The following NEDD4 variants were observed in gnomAD, a reference collection of about 807,000 sequenced individuals.
The protein encoded by NEDD4 is E3 ubiquitin-protein ligase NEDD4.
NEDD4 carries 99 observed loss-of-function variants against 144.9 expected under a neutral mutation model. That is an observed-to-expected ratio of 0.68 (90% CI 0.58 to 0.81). NEDD4 has a LOEUF of 0.81. Among genes scored for constraint, NEDD4 ranks in the 30% least tolerant of loss-of-function variants. The pLI, the probability that NEDD4 is intolerant of heterozygous loss-of-function variation, is 0.00. For missense variants in NEDD4, 985 were observed against 1,065.9 expected (o/e 0.92, Z 1.06); for synonymous variants, 318 against 350.6 (o/e 0.91, Z 1.04).
intron 4 of NEDD4, among the ~76,000 whole-genome samples, chr15:55,932,822 AG>A (rs1305054423): frequency 1.3e-5 from 2 of 152,214 alleles, no homozygotes; most frequent in Admixed American, 1.3e-4. Context: ...CAAATTTACA[AG>A]AAAAAAAAAT....
At chr15:55,924,264 G>C (rs1229516371) in intron 5 of NEDD4, 1 of 176,576 alleles carries the variant, frequency 5.7e-6, no homozygotes, top group African/African-American at 2.4e-5. Flanking sequence ...CCTAAGAAAG[G>C]CCACTGTAGT....
chr15:55,917,674 A>G (rs78649755), intron 5 of NEDD4, among the ~76,000 whole-genome samples: 11,816 of 152,172 alleles, frequency 0.078, 565 homozygotes, highest in Middle Eastern at 0.16. Flanking sequence ...TTCAAGAAAA[A>G]AAGTTTAAGA....
chr15:55,936,128 A>G (rs1371018895), intron 4 of NEDD4, among the ~76,000 whole-genome samples: 1 of 152,174 alleles, frequency 6.6e-6, no homozygotes, highest in Non-Finnish European at 1.5e-5. Context: ...TAAATGATAC[A>G]CTTTGTCAGA....
At chr15:55,888,181 G>A (rs1209786425) in intron 5 of NEDD4, among the ~76,000 whole-genome samples, 4 of 152,082 alleles carry the variant, frequency 2.6e-5, no homozygotes, top group Non-Finnish European at 5.9e-5. Flanking sequence ...AATTGGAAAG[G>A]AAGAAGTCAC....
rs550272633 is a variant in NEDD4 at position 55,892,166 on chromosome 15, A to G, written c.292-18158T>C. Reference sequence around the variant, plus strand: ...CTAGAATCCCAGCTACTCGTGAGGCAGAGGCATGAGAATCACTTGAACCTG... The same window carrying G: ...CTAGAATCCCAGCTACTCGTGAGGCGGAGGCATGAGAATCACTTGAACCTG... On this transcript the variant is annotated intron_variant, in intron 5 of 28. Coordinates refer to ENST00000435532, the MANE Select transcript of NEDD4 (RefSeq NM_006154.4). Among the ~76,000 whole-genome samples the G allele has an allele frequency of 3.0e-3, 450 of 151,920 alleles. 2 individuals carry two copies. Among genetic ancestry groups the G allele is most frequent in the Non-Finnish European group, 4.0e-3 (275 of 67,938 alleles).
chr15:55,950,503 C>G (rs898213382), intron 4 of NEDD4, among the ~76,000 whole-genome samples: 1 of 152,090 alleles, frequency 6.6e-6, no homozygotes, highest in African/African-American at 2.4e-5. Context: ...TCCAGAGAGG[C>G]TGGTGTTTCA....
chr15:55,923,370 G>A (rs1044955069), intron 5 of NEDD4, among the ~76,000 whole-genome samples: 1 of 152,062 alleles, frequency 6.6e-6, no homozygotes, highest in Non-Finnish European at 1.5e-5. Context: ...TGGCCAGGCT[G>A]GGCATGGCAG....
At chr15:55,918,356 G>C (rs2036503903) in intron 5 of NEDD4, among the ~76,000 whole-genome samples, 1 of 151,944 alleles carries the variant, frequency 6.6e-6, no homozygotes, top group South Asian at 2.1e-4. Context: ...CTATTTGAAA[G>C]AAACAAATTT....
At position 55,860,745 on chromosome 15, in the gene NEDD4, A is replaced by G. The variant is rs777136746; in HGVS notation, c.708T>C (p.Ile236=). 8 of 1,614,026 alleles carry G rather than the reference A, an allele frequency of 5.0e-6. No individual in the cohort carries two copies. Residue 236 remains isoleucine, a synonymous_variant, in exon 10 of 29, where the codon ATT becomes ATC. Transcript: ENST00000435532. Reference sequence around the variant, plus strand: ...TAAATGCACGTTGTGCTTGCAGTTGAATGTTGCCATTCTCAGCATCTGTTA... The same window carrying G: ...TAAATGCACGTTGTGCTTGCAGTTGGATGTTGCCATTCTCAGCATCTGTTA... ...DNLTDAENGN[I]QLQAQRAFTT...
chr15:55,832,884 A>G (rs113452502), intron 27 of NEDD4, 124 bp downstream of exon 27: 2 of 656,602 alleles, frequency 3.0e-6, no homozygotes, highest in South Asian at 2.2e-5. Flanking sequence ...TCACTTTCAA[A>G]ATCTTAATTC....
intron 1 of NEDD4, among the ~76,000 whole-genome samples, chr15:55,966,795 G>A (rs187339274): frequency 3.4e-4 from 52 of 152,214 alleles, no homozygotes; most frequent in Middle Eastern, 3.4e-3. Context: ...TTATCGCTGC[G>A]CTCAAGAAAA....
intron 1 of NEDD4, among the ~76,000 whole-genome samples, chr15:55,978,584 A>G (rs866902531): frequency 6.6e-5 from 10 of 152,352 alleles, no homozygotes; most frequent in Middle Eastern, 6.8e-3. Context: ...GTGCTTAAAT[A>G]AATAAAAAAG....
intron 1 of NEDD4, among the ~76,000 whole-genome samples, chr15:55,968,558 A>T (rs1258827956): frequency 2.0e-5 from 3 of 152,162 alleles, no homozygotes; most frequent in Admixed American, 6.5e-5. Flanking sequence ...TATGTGAATA[A>T]CTCCTAAAAA....
At chr15:55,930,875 G>A (rs544708310) in intron 4 of NEDD4, among the ~76,000 whole-genome samples, 1 of 152,294 alleles carries the variant, frequency 6.6e-6, no homozygotes, top group South Asian at 2.1e-4. Context: ...CCAGCCATGT[G>A]GAACTGTGAG....
chr15:55,857,662 G>T (rs2034250356), intron 11 of NEDD4, among the ~76,000 whole-genome samples: 1 of 152,096 alleles, frequency 6.6e-6, no homozygotes, highest in Admixed American at 6.6e-5. Flanking sequence ...ATCTCAATTT[G>T]TAACCATAAC....
At chr15:55,852,743 TGAGAGAGA>T (rs150677409) in intron 12 of NEDD4, among the ~76,000 whole-genome samples, 200 bp from the exon 13 acceptor site, 1 of 139,498 alleles carries the variant, frequency 7.2e-6, no homozygotes, top group Non-Finnish European at 1.5e-5. Context: ...TCTGAGAGAG[TGAGAGAGA>T]GAGAGAGAGA....
At chr15:55,946,274 G>C (rs1246645533) in intron 4 of NEDD4, among the ~76,000 whole-genome samples, 1 of 152,160 alleles carries the variant, frequency 6.6e-6, no homozygotes, top group Admixed American at 6.5e-5. Flanking sequence ...CATGTGCAGA[G>C]ACACACATAG....
At chr15:55,965,697 T>G (rs149924312) in intron 2 of NEDD4, among the ~76,000 whole-genome samples, 71 of 152,200 alleles carry the variant, frequency 4.7e-4, no homozygotes, top group African/African-American at 1.6e-3. Flanking sequence ...TATGCATGCA[T>G]GTTTGTATGT....
intron 5 of NEDD4, among the ~76,000 whole-genome samples, chr15:55,879,790 T>TTAAAAAC (rs1284843866): frequency 6.6e-6 from 1 of 151,202 alleles, no homozygotes; most frequent in Non-Finnish European, 1.5e-5. Flanking sequence ...CAAGATAGAG[T>TTAAAAAC]TAGAAGATAG....
Sources: allele counts gnomAD v4.1 joint callset (sites outside exome capture counted in the v4.1 genomes callset), GRCh38; gene constraint gnomAD v4.1.1; transcripts MANE v1.5; gene names NCBI Gene and HGNC (gene_info 2026-07-23, HGNC 2026-07-21).